TGFB1: variants seen among roughly 807,000 people sequenced by gnomAD.
TGFB1 encodes the protein transforming growth factor beta-1 proprotein.
A neutral mutation model predicts 43.8 loss-of-function variants in TGFB1; 19 were observed. The ratio of observed to expected loss-of-function variants is 0.43; its 90% confidence interval spans 0.30 to 0.64. TGFB1 has a LOEUF of 0.64. TGFB1 is among the 30% of genes least tolerant of loss of function. The pLI is 0.11. For missense variants in TGFB1, 445 were observed against 529.8 expected (o/e 0.84, Z 1.57); for synonymous variants, 221 against 236.3 (o/e 0.94, Z 0.60).
In TGFB1 at chr19:41,353,126, G is replaced by A. The variant is rs1410418734; in HGVS notation, c.-82C>T. On this transcript the variant is annotated 5_prime_UTR_variant, in exon 1 of 7. Coordinates refer to ENST00000221930, the MANE Select transcript of TGFB1 (RefSeq NM_000660.7). This position sits in a 1 kb window ranked among gnomAD's most constrained non-coding sequence, Gnocchi z 5.9. ...GGAGGCCCCGCCCCTGCAGGGGCTG[G>A]GGGTCTCCCGGCAAAAGGTAGGAGG... The A allele has an allele frequency of 1.4e-6, 2 of 1,418,196 alleles. No individual in the cohort carries two copies. Among genetic ancestry groups the A allele is most frequent in the African/African-American group, 3.0e-5 (2 of 67,476 alleles). 87.9% of individuals were successfully genotyped at this position (1,418,196 alleles called of 1,614,324 possible).
At chr19:41,336,524 A>C (rs2037990197) in intron 5 of TGFB1, among the ~76,000 whole-genome samples, 1 of 151,570 alleles carries the variant, frequency 6.6e-6, no homozygotes, top group Non-Finnish European at 1.5e-5. Context: ...TAGCTGGGAC[A>C]AAAGGTACAC....
intron 6 of TGFB1, 57 bp downstream of exon 6, chr19:41,332,071 C>G: frequency 6.3e-7 from 1 of 1,583,656 alleles, no homozygotes; most frequent in Non-Finnish European, 8.6e-7. Flanking sequence ...TCTCTCTCCT[C>G]TTCCTCCGTC....
intron 3 of TGFB1, 70 bp downstream of exon 3, chr19:41,344,677 G>C: frequency 6.9e-7 from 1 of 1,442,842 alleles, no homozygotes; most frequent in Non-Finnish European, 9.7e-7. Context: ...CCTAGGCAAA[G>C]TGACCCCAGG....
chr19:41,351,756 C>T (rs2038198682), intron 1 of TGFB1, among the ~76,000 whole-genome samples: 1 of 152,082 alleles, frequency 6.6e-6, no homozygotes, highest in African/African-American at 2.4e-5. Context: ...CAGCACTTCC[C>T]CTGCGGCTGG....
chr19:41,353,110 G>T lies in TGFB1; in HGVS notation c.-66C>A. 7.0e-7 allele frequency: 1 copy of T among 1,435,492 alleles called. No homozygotes were observed. Among genetic ancestry groups the T allele is most frequent in the Non-Finnish European group, 9.1e-7 (1 of 1,101,220 alleles). 88.9% of individuals were successfully genotyped at this position (1,435,492 alleles called of 1,614,324 possible). A position where few individuals can be genotyped will look rare whatever the true frequency, so the allele number is the denominator to read the frequency against. ...AGGGCTGGTGTGGTGGGGAGGCCCC[G>T]CCCCTGCAGGGGCTGGGGGTCTCCC... On this transcript the variant is annotated 5_prime_UTR_variant, in exon 1 of 7. Transcript: ENST00000221930. The surrounding 1 kb of genome is among the most constrained non-coding windows in gnomAD (Gnocchi z 5.9).
At chr19:41,352,065 TC>T (rs941087805) in intron 1 of TGFB1, among the ~76,000 whole-genome samples, 2 of 151,650 alleles carry the variant, frequency 1.3e-5, no homozygotes, top group African/African-American at 4.9e-5. Flanking sequence ...CGTCCCTTTC[TC>T]CCCACATTTA....
At position 41,353,168 on chromosome 19, in the gene TGFB1, G is replaced by T. The variant is rs201020311; in HGVS notation, c.-124C>A. 7.9e-7 allele frequency: 1 copy of T among 1,271,020 alleles called. No individual in the cohort carries two copies. 78.7% of individuals were successfully genotyped at this position (1,271,020 alleles called of 1,614,324 possible). A position where few individuals can be genotyped will look rare whatever the true frequency, so the allele number is the denominator to read the frequency against. ...GGTAGGAGGGCCTCGAGGGAAAGCT[G>T]AGGTCCTCAGGGAGAAGGGCGCAGT... On this transcript the variant is annotated 5_prime_UTR_variant, in exon 1 of 7. Coordinates refer to ENST00000221930, the MANE Select transcript of TGFB1 (RefSeq NM_000660.7). The surrounding 1 kb of genome is among the most constrained non-coding windows in gnomAD (Gnocchi z 5.9).
At chr19:41,346,689 G>A (rs1396723198) in intron 2 of TGFB1, among the ~76,000 whole-genome samples, 1 of 152,142 alleles carries the variant, frequency 6.6e-6, no homozygotes, top group Non-Finnish European at 1.5e-5. Flanking sequence ...TGACTATAGA[G>A]TACTAGAAAT....
Position 41,331,061 on chromosome 19 carries a change from C to A in TGFB1, c.1164G>T (p.Lys388Asn), listed in dbSNP as rs943475580. ...GGGGCGGGGCGGGACCTCAGCTGCA[C>A]TTGCAGGAGCGCACGATCATGTTGG... ...QLSNMIVRSC[K>N]CS is the part of the protein sequence containing the mutation. Residue 388 changes from lysine to asparagine, a missense_variant, in exon 7 of 7, where the codon AAG becomes AAT. Physicochemically the swap from Lys to Asn is moderately conservative, Grantham distance 94. This residue lies in a region of TGFB1 where 56 missense variants were observed against 46.9 expected (regional missense o/e 1.19). Coordinates refer to ENST00000221930, the MANE Select transcript of TGFB1 (RefSeq NM_000660.7). 3.2e-6 allele frequency: 5 copies of A among 1,567,892 alleles called. No homozygotes were observed. In the East Asian group the frequency reaches 9.3e-5, roughly 29 times the overall value.
chr19:41,348,621 A>G (rs1276980051), intron 1 of TGFB1, among the ~76,000 whole-genome samples, 166 bp from the exon 2 acceptor site: 2 of 143,776 alleles, frequency 1.4e-5, no homozygotes, highest in Non-Finnish European at 3.0e-5. Flanking sequence ...ATTTATTTAA[A>G]TGAATTTTTT....
intron 5 of TGFB1, among the ~76,000 whole-genome samples, chr19:41,333,676 C>A (rs992145798): frequency 1.1e-4 from 17 of 152,146 alleles, no homozygotes; most frequent in African/African-American, 4.1e-4. Context: ...TTCATTTAAA[C>A]CTTAGCTCAA....
intron 5 of TGFB1, among the ~76,000 whole-genome samples, chr19:41,339,871 G>A (rs981810544): frequency 6.6e-6 from 1 of 152,128 alleles, no homozygotes; most frequent in Non-Finnish European, 1.5e-5. Context: ...GGCTGATGGC[G>A]CTAAGATCTG....
At position 41,352,943 on chromosome 19, in the gene TGFB1, C is replaced by G; in HGVS notation, c.102G>C (p.Lys34Asn). Reference protein sequence around the residue: ...GRPAAGLSTCKTIDMELVKRK... With the variant: ...GRPAAGLSTCNTIDMELVKRK... ...GCTTCACCAGCTCCATGTCGATAGT[C>G]TTGCAGGTGGATAGTCCCGCGGCCG... The change falls in exon 1 of 7, where the codon AAG becomes AAC. Residue 34 changes from lysine (K) to asparagine (N), a missense_variant. Lys to Asn is a moderately conservative substitution (Grantham distance 94). This residue lies in a region of TGFB1 where 366 missense variants were observed against 428.8 expected (regional missense o/e 0.85). Transcript: ENST00000221930. The G allele has an allele frequency of 6.4e-7, 1 of 1,553,666 alleles. No individual in the cohort carries two copies. The highest frequency in any genetic ancestry group is 8.7e-7 in the Non-Finnish European group (1 of 1,151,314).
intron 3 of TGFB1, among the ~76,000 whole-genome samples, chr19:41,343,288 C>T (rs1386503074): frequency 6.6e-6 from 1 of 152,052 alleles, no homozygotes; most frequent in Non-Finnish European, 1.5e-5. Flanking sequence ...GCATGCATCA[C>T]CACGCCGAGC....
At chr19:41,337,443 A>G (rs992350032) in intron 5 of TGFB1, among the ~76,000 whole-genome samples, 1 of 151,632 alleles carries the variant, frequency 6.6e-6, no homozygotes, top group Admixed American at 6.6e-5. Context: ...AGCTGGCCTG[A>G]TTTTTGTATT....
At chr19:41,350,599 C>T (rs2038177352) in intron 1 of TGFB1, among the ~76,000 whole-genome samples, 2 of 152,180 alleles carry the variant, frequency 1.3e-5, no homozygotes, top group East Asian at 3.9e-4. Flanking sequence ...TGAGCCACCG[C>T]GCCCAGCCAA....
chr19:41,338,698 G>A (rs2038018109), intron 5 of TGFB1, among the ~76,000 whole-genome samples: 1 of 151,684 alleles, frequency 6.6e-6, no homozygotes, highest in African/African-American at 2.4e-5. Context: ...AATTAGCTGG[G>A]CGTGGCGGTG....
intron 1 of TGFB1, chr19:41,350,927 G>T: frequency 1.3e-5 from 2 of 152,650 alleles, no homozygotes; most frequent in Non-Finnish European, 2.9e-5. Flanking sequence ...AAGGGTTGGA[G>T]GGTGATGCAG....
At chr19:41,339,565 C>T (rs911671244) in intron 5 of TGFB1, among the ~76,000 whole-genome samples, 54 of 151,864 alleles carry the variant, frequency 3.6e-4, no homozygotes, top group Admixed American at 1.2e-3. Context: ...TGGTTCATGC[C>T]TGTAATCCCA....
Sources: gnomAD v4.1 joint callset for allele counts (sites outside exome capture counted in the v4.1 genomes callset) on GRCh38, gnomAD v4.1.1 for gene constraint, gnomAD v4.1.1 regional missense constraint, Gnocchi (gnomAD v3.1) non-coding constraint, MANE v1.5 for transcripts, NCBI Gene and HGNC (gene_info 2026-07-23, HGNC 2026-07-21) for gene names.